Variants in CHODL observed in about 807,000 individuals in gnomAD.
CHODL encodes chondrolectin.
In CHODL, 29 loss-of-function variants were observed where a neutral mutation model predicts 34.5. The observed-to-expected ratio is 0.84, with a 90% CI of 0.63 to 1.15. The LOEUF (loss-of-function observed/expected upper bound fraction) is 1.15. CHODL is among the 50% of genes most tolerant of loss of function. CHODL has a pLI of 0.00. For missense variants in CHODL, 332 were observed against 332.5 expected, an observed-to-expected ratio of 1.00 and a Z score of 0.01; for synonymous variants, 125 against 116.1, an observed-to-expected ratio of 1.08 and a Z score of -0.49.
chr21:17,946,289 G>A (rs1383072345), intron 1 of CHODL, among the ~76,000 whole-genome samples: 1 of 152,184 alleles, frequency 6.6e-6, no homozygotes, highest in Non-Finnish European at 1.5e-5. Flanking sequence ...TGTGGTGGCG[G>A]GTGCCTGTGG....
chr21:18,109,625 TTTTTTCCCCTCATCTTTC>T (rs796394309), intron 2 of CHODL, among the ~76,000 whole-genome samples: 9 of 152,302 alleles, frequency 5.9e-5, no homozygotes, highest in African/African-American at 2.2e-4. Context: ...CATGCTTGTT[TTTTTTCCCCTCATCTTTC>T]TGGAGATTCA....
chr21:18,007,185 G>T (rs904495623), intron 1 of CHODL, among the ~76,000 whole-genome samples: 5 of 152,228 alleles, frequency 3.3e-5, no homozygotes, highest in Admixed American at 3.3e-4. Context: ...GTTGTCTGAA[G>T]GGCCAAATGA....
intron 2 of CHODL, among the ~76,000 whole-genome samples, chr21:18,044,153 A>G (rs1243683709): frequency 1.3e-5 from 2 of 152,020 alleles, no homozygotes; most frequent in Non-Finnish European, 2.9e-5. Context: ...CACGTAATCA[A>G]GAAGTGAAAT....
chr21:18,030,887 G>C (rs1380384562), intron 2 of CHODL, among the ~76,000 whole-genome samples: 1 of 152,098 alleles, frequency 6.6e-6, no homozygotes, highest in Non-Finnish European at 1.5e-5. Context: ...CATGTAGCAG[G>C]GTGGCTTTTT....
intron 1 of CHODL, among the ~76,000 whole-genome samples, chr21:17,925,504 A>G (rs2063215713): frequency 6.6e-6 from 1 of 152,218 alleles, no homozygotes. Flanking sequence ...GACCTTTGGC[A>G]TTATTCATAA....
At chr21:18,221,858 G>C (rs1260850705) in intron 2 of CHODL, among the ~76,000 whole-genome samples, 1 of 152,220 alleles carries the variant, frequency 6.6e-6, no homozygotes, top group African/African-American at 2.4e-5. Context: ...CAGCAGGACA[G>C]TTGTGCCAGT....
At chr21:18,232,971 A>ATATATATATG in intron 2 of CHODL, among the ~76,000 whole-genome samples, 1 of 133,874 alleles carries the variant, frequency 7.5e-6, no homozygotes, top group Non-Finnish European at 1.6e-5. Context: ...ATATATATAT[A>ATATATATATG]TGTATATATA....
At chr21:18,247,193 T>C (rs1308055892) in intron 1 of CHODL, among the ~76,000 whole-genome samples, 1 of 152,150 alleles carries the variant, frequency 6.6e-6, no homozygotes, top group African/African-American at 2.4e-5. Context: ...AATGGATCTA[T>C]TGTCTACCTG....
rs1472379910 is a variant in CHODL, at chr21:18,262,803, A to G, written c.647A>G (p.Asn216Ser). 10 of 1,586,306 alleles carry G rather than the reference A, an allele frequency of 6.3e-6. No homozygotes were observed. The highest frequency in any genetic ancestry group is 4.0e-5 in the African/African-American group (3 of 74,346). ...VVVTEAGIIP[N>S]LIYVVIPTIP... ...TTTTATTTTGTAGGTATAATTCCCA[A>G]TCTAATTTATGTTGTTATACCAACA... is the stretch of plus-strand genomic sequence containing the variant. The change falls in exon 5 of 6, where the codon AAT becomes AGT. Residue 216 changes from asparagine to serine, a missense_variant. Coordinates refer to ENST00000299295, the MANE Select transcript of CHODL (RefSeq NM_024944.3).
In CHODL at chr21:17,998,966, A is replaced by G. The variant is rs560034036; in HGVS notation, c.-144-28906A>G. 2.6e-5 allele frequency among the ~76,000 whole-genome samples: 4 copies of G among 152,312 alleles called. 1 individual carries two copies. The South Asian group carries it at 8.3e-4, about 32-fold the overall frequency. Reference sequence around the variant, plus strand: ...GCCGGCTTGAATTTCTCCTCAAAAAATGGGTTTTTCATTCCTACTGCATTG... The same window carrying G: ...GCCGGCTTGAATTTCTCCTCAAAAAGTGGGTTTTTCATTCCTACTGCATTG... On this transcript the variant is annotated intron_variant, in intron 1 of 6. Coordinates refer to the CHODL transcript ENST00000400127.
rs554581252 is a variant in CHODL, at chr21:18,109,501, G to C, written c.-45+81530G>C. Among the ~76,000 whole-genome samples the C allele has an allele frequency of 6.6e-4, 101 of 152,270 alleles. 1 individual carries two copies. Among genetic ancestry groups the C allele is most frequent in the African/African-American group, 2.1e-3 (89 of 41,560 alleles). On this transcript the variant is annotated intron_variant, in intron 2 of 6. Coordinates refer to the CHODL transcript ENST00000400127. Reference sequence around the variant, plus strand: ...GAGGGCAGCTGTGGCAATGGCTCAGGAGTGGCCTCAGGTGTCCAAGGTTGG... The same window carrying C: ...GAGGGCAGCTGTGGCAATGGCTCAGCAGTGGCCTCAGGTGTCCAAGGTTGG...
At chr21:18,087,868 G>A (rs2065026029) in intron 2 of CHODL, among the ~76,000 whole-genome samples, 1 of 152,164 alleles carries the variant, frequency 6.6e-6, no homozygotes, top group Non-Finnish European at 1.5e-5. Context: ...AGGTTTAATT[G>A]ACTCATAGTT....
intron 1 of CHODL, among the ~76,000 whole-genome samples, chr21:17,937,263 A>T (rs941086739): frequency 6.6e-6 from 1 of 152,174 alleles, no homozygotes; most frequent in Non-Finnish European, 1.5e-5. Flanking sequence ...GAGAGCAGAG[A>T]AAAGAGAAGT....
At chr21:17,921,989 A>T (rs2063186639) in intron 1 of CHODL, among the ~76,000 whole-genome samples, 1 of 130,420 alleles carries the variant, frequency 7.7e-6, no homozygotes, top group Admixed American at 7.5e-5. Context: ...ATTCCACAAT[A>T]AAGGAAAGTT....
chr21:18,203,069 T>C (rs2073672931), intron 2 of CHODL, among the ~76,000 whole-genome samples: 1 of 152,182 alleles, frequency 6.6e-6, no homozygotes, highest in Non-Finnish European at 1.5e-5. Flanking sequence ...TAAAATTCAG[T>C]GTTTTTTTGT....
At chr21:18,135,467 C>T (rs923598778) in intron 2 of CHODL, among the ~76,000 whole-genome samples, 2 of 152,084 alleles carry the variant, frequency 1.3e-5, no homozygotes, top group Admixed American at 1.3e-4. Context: ...GCGTTCCATC[C>T]AATTATCTTT....
intron 2 of CHODL, among the ~76,000 whole-genome samples, chr21:18,184,187 G>T (rs540845289): frequency 6.6e-6 from 1 of 152,186 alleles, no homozygotes; most frequent in East Asian, 1.9e-4. Context: ...ATTTGGGGAA[G>T]AAAAGCGATT....
rs559605076 is a variant in CHODL, at chr21:17,971,506, ATGTT to A, written c.-145+54111_-145+54114del. On this transcript the variant is annotated intron_variant, in intron 1 of 6. Transcript: ENST00000400127. The stretch of plus-strand genomic sequence containing the variant: ...CCAGTGATGATGACCTTTTTTTCAT[ATGTT>A]TGTTGGCCACATACATGTCTTCTTT... Among the ~76,000 whole-genome samples, 199 of 152,100 alleles carry A rather than the reference ATGTT, an allele frequency of 1.3e-3. 1 individual carries two copies. The highest frequency in any genetic ancestry group is 6.8e-3 in the Middle Eastern group (2 of 294).
intron 2 of CHODL, among the ~76,000 whole-genome samples, chr21:18,035,878 T>A (rs1457300762): frequency 6.6e-6 from 1 of 152,048 alleles, no homozygotes; most frequent in Non-Finnish European, 1.5e-5. Context: ...TTAATGTCCT[T>A]ATGTACAAAT....
Sources: allele counts gnomAD v4.1 joint callset (sites outside exome capture counted in the v4.1 genomes callset), GRCh38; gene constraint gnomAD v4.1.1; transcripts MANE v1.5; gene names NCBI Gene and HGNC (gene_info 2026-07-23, HGNC 2026-07-21).